TRANK1: variants seen among roughly 807,000 people sequenced by gnomAD.
TRANK1 encodes TPR and ankyrin repeat-containing protein 1.
Under a neutral mutation model 266.0 loss-of-function variants are expected in TRANK1, and 198 were observed. The ratio of observed to expected loss-of-function variants is 0.74; its 90% confidence interval spans 0.66 to 0.84. The LOEUF (loss-of-function observed/expected upper bound fraction) is 0.84, where lower values mean the gene tolerates loss of function less well. Ranked by LOEUF, TRANK1 falls within the 40% of genes least tolerant of loss-of-function variation. The probability of loss-of-function intolerance (pLI) is 0.00; values close to 1 mark genes in which losing one functional copy is unlikely to be tolerated. For synonymous variants in TRANK1, 1,396 were observed against 1,384.1 expected (o/e 1.01, Z -0.19); for missense variants, 3,326 against 3,634.6 (o/e 0.92, Z 2.18).
chr3:36,836,117 G>A (rs554996126), intron 20 of TRANK1, among the ~76,000 whole-genome samples: 3 of 152,192 alleles, frequency 2.0e-5, no homozygotes, highest in Non-Finnish European at 4.4e-5. Context: ...GCTGACTGTG[G>A]TCAAGAATGT....
chr3:36,867,032 A>C (rs1373799214), intron 9 of TRANK1, among the ~76,000 whole-genome samples: 2 of 152,200 alleles, frequency 1.3e-5, no homozygotes, highest in African/African-American at 4.8e-5. Flanking sequence ...AGAAAATGAT[A>C]ATCATTTGGC....
intron 10 of TRANK1, among the ~76,000 whole-genome samples, chr3:36,864,045 T>C (rs1252996243): frequency 6.6e-6 from 1 of 152,188 alleles, no homozygotes; most frequent in African/African-American, 2.4e-5. Flanking sequence ...GAAATATCTA[T>C]AGTATTTTTT....
At chr3:36,835,771 C>T (rs548207923) in intron 20 of TRANK1, among the ~76,000 whole-genome samples, 17 of 152,182 alleles carry the variant, frequency 1.1e-4, no homozygotes, top group African/African-American at 3.9e-4. Context: ...AATGTTGGGC[C>T]TTTAAAATGT....
At chr3:36,939,202 C>T (rs1191918627) in intron 1 of TRANK1, among the ~76,000 whole-genome samples, 2 of 151,394 alleles carry the variant, frequency 1.3e-5, no homozygotes, top group African/African-American at 4.9e-5. Context: ...ACATATTTTC[C>T]ATGGCCTCTA....
At position 36,847,304 on chromosome 3, in the gene TRANK1, A is replaced by G; in HGVS notation, c.4930T>C (p.Ser1644Pro). Residue 1644 changes from serine (S) to proline (P), a missense_variant, in exon 16 of 24, where the codon TCA (serine) becomes CCA (proline). Ser to Pro is a moderately conservative substitution (Grantham distance 74, BLOSUM62 -1). Coordinates refer to ENST00000645898, the MANE Select transcript of TRANK1 (RefSeq NM_001329998.2). ...WKIISSFTPT[S>P]TDSREENRPL... ...CGGTTTTCCTCTCTGGAGTCAGTTG[A>G]GGTAGGTGTGAATGAGGAAATGATC... 6.2e-7 allele frequency: 1 copy of G among 1,613,696 alleles called. No homozygotes were observed. The highest frequency in any genetic ancestry group is 8.5e-7 in the Non-Finnish European group (1 of 1,179,778).
chr3:36,908,535 G>C lies in TRANK1; in HGVS notation c.24-81C>G, dbSNP rs2080006834. On this transcript the variant is annotated intron_variant, in intron 1 of 23. Coordinates refer to ENST00000645898, the MANE Select transcript of TRANK1 (RefSeq NM_001329998.2). ...TTCCGGTCTGCATTGCTGAAATCTG[G>C]AGAAGGAGTTCGCTCACTATGGCCC... 1.8e-5 allele frequency: 22 copies of C among 1,231,640 alleles called. No individual in the cohort carries two copies. In the South Asian group the frequency reaches 7.1e-4, roughly 40 times the overall value. The allele number at this position is 1,231,640 out of a possible 1,614,324, so 76.3% of individuals were successfully genotyped here.
intron 1 of TRANK1, among the ~76,000 whole-genome samples, chr3:36,927,108 T>C (rs2080299127): frequency 6.6e-6 from 1 of 152,164 alleles, no homozygotes; most frequent in Non-Finnish European, 1.5e-5. Flanking sequence ...AGGCTGCAAA[T>C]GCTGTTCCCC....
chr3:36,858,844 G>T lies in TRANK1; in HGVS notation c.1546C>A (p.Leu516Met), dbSNP rs1482864434. The T allele has an allele frequency of 1.3e-6, 2 of 1,537,162 alleles. No homozygotes were observed. Among genetic ancestry groups the T allele is most frequent in the Non-Finnish European group, 8.7e-7 (1 of 1,146,892 alleles). Residue 516 changes from leucine (L) to methionine (M), a missense_variant, in exon 12 of 24, where the codon CTG becomes ATG. By Grantham distance (15) the Leu-to-Met change is conservative. Transcript: ENST00000645898. ...ESQERPVVTC[L>M]KHEDFELAFL... is the part of the protein sequence containing the mutation. ...GCCAACTCGAAGTCCTCATGTTTCA[G>T]GCACGTGACAACTGGCCTCTCCTGG...
At position 36,834,626 on chromosome 3, in the gene TRANK1, G is replaced by T. The variant is rs372844855; in HGVS notation, c.5663+136C>A. ...AAAGAGCTGCTGACCCAGCACTGAG[G>T]CCATCGCTTAAGTGGAAAGGGAGCA... is the stretch of plus-strand genomic sequence containing the variant. On this transcript the variant is annotated intron_variant, in intron 21 of 23. Transcript: ENST00000645898. 7.5e-5 allele frequency: 71 copies of T among 951,080 alleles called. 1 individual carries two copies. The African/African-American group carries it at 1.1e-3, about 15-fold the overall frequency. The allele number at this position is 951,080 out of a possible 1,614,324, so 58.9% of individuals were successfully genotyped here.
chr3:36,895,601 A>AATGT, intron 5 of TRANK1, 39 bp downstream of exon 5: 1 of 1,264,180 alleles, frequency 7.9e-7, no homozygotes, highest in South Asian at 1.4e-5. Context: ...TTTCATCAAG[A>AATGT]ATGTACTCTC....
chr3:36,847,899 A>G (rs947382518), intron 15 of TRANK1, among the ~76,000 whole-genome samples: 3 of 152,214 alleles, frequency 2.0e-5, no homozygotes, highest in African/African-American at 7.2e-5. Flanking sequence ...TGCTCTATAA[A>G]ATGAGAATAA....
intron 1 of TRANK1, 93 bp downstream of exon 1, chr3:36,944,694 T>C: frequency 7.0e-7 from 1 of 1,428,214 alleles, no homozygotes; most frequent in Admixed American, 2.2e-5. Context: ...TACCTCAGGG[T>C]CGCCAGTCCC....
At chr3:36,866,909 A>G (rs763993383) in intron 9 of TRANK1, among the ~76,000 whole-genome samples, 4 of 152,162 alleles carry the variant, frequency 2.6e-5, no homozygotes, top group Non-Finnish European at 5.9e-5. Context: ...CCAGAACACC[A>G]GAAACATACA....
At chr3:36,915,493 C>T (rs1291702533) in intron 1 of TRANK1, among the ~76,000 whole-genome samples, 2 of 152,190 alleles carry the variant, frequency 1.3e-5, no homozygotes, top group African/African-American at 4.8e-5. Flanking sequence ...ACACACCCAA[C>T]ACACATGTGC....
In TRANK1 at chr3:36,927,435, C is replaced by G. The variant is rs910528044; in HGVS notation, c.23+17352G>C. The stretch of plus-strand genomic sequence containing the variant: ...ATAGCCCTCCTGCACAAATAACTTA[C>G]AATCTTCCTTCACCCAACTATCACC... On this transcript the variant is annotated intron_variant, in intron 1 of 23. Coordinates refer to ENST00000645898, the MANE Select transcript of TRANK1 (RefSeq NM_001329998.2). 4.6e-5 allele frequency among the ~76,000 whole-genome samples: 7 copies of G among 152,194 alleles called. No individual in the cohort carries two copies. In the East Asian group the frequency reaches 1.3e-3, roughly 29 times the overall value.
At chr3:36,830,016 T>C (rs7652637) in intron 22 of TRANK1, among the ~76,000 whole-genome samples, 56,637 of 152,046 alleles carry the variant, frequency 0.37, 11,088 homozygotes, top group African/African-American at 0.46. Context: ...AACTTCTACA[T>C]AGTGTTGATA....
intron 9 of TRANK1, among the ~76,000 whole-genome samples, chr3:36,866,108 GAAAGAA>G (rs1311412063): frequency 6.7e-6 from 1 of 150,294 alleles, no homozygotes; most frequent in Non-Finnish European, 1.5e-5. Context: ...AAGAAAGAAA[GAAAGAA>G]AGAGTCACCG....
chr3:36,839,481 C>T (rs1241536234), intron 18 of TRANK1, among the ~76,000 whole-genome samples: 1 of 152,172 alleles, frequency 6.6e-6, no homozygotes, highest in Non-Finnish European at 1.5e-5. Flanking sequence ...GATCACTCTC[C>T]CCTTCATGCT....
intron 1 of TRANK1, among the ~76,000 whole-genome samples, chr3:36,919,641 C>G (rs2125647534): frequency 6.6e-6 from 1 of 152,338 alleles, no homozygotes; most frequent in East Asian, 1.9e-4. Context: ...AGGAGTGGAT[C>G]TGCTGAGTGA....
Sources: gnomAD v4.1 joint callset for allele counts (sites outside exome capture counted in the v4.1 genomes callset) on GRCh38, gnomAD v4.1.1 for gene constraint, MANE v1.5 for transcripts, NCBI Gene and HGNC (gene_info 2026-07-23, HGNC 2026-07-21) for gene names.